ANKRD45: variants seen among roughly 807,000 people sequenced by gnomAD.
ANKRD45 encodes the protein ankyrin repeat domain 45, also known as ankyrin repeat domain-containing protein 45.
In ANKRD45, 21 loss-of-function variants were observed where a neutral mutation model predicts 28.1. The observed-to-expected ratio is 0.75, with a 90% confidence interval of 0.53 to 1.08. The LOEUF (loss-of-function observed/expected upper bound fraction) is 1.08. Among genes scored for constraint, ANKRD45 ranks in the 50% least tolerant of loss-of-function variants. The pLI is 0.00. For synonymous variants in ANKRD45, 86 were observed against 103.9 expected, an observed-to-expected ratio of 0.83 and a Z score of 1.05; for missense variants, 261 against 308.7, an observed-to-expected ratio of 0.85 and a Z score of 1.16.
chr1:173,620,392 C>A (rs1667648512), intron 5 of ANKRD45, among the ~76,000 whole-genome samples: 1 of 152,190 alleles, frequency 6.6e-6, no homozygotes, highest in South Asian at 2.1e-4. Flanking sequence ...TCAAGAAGTT[C>A]TTTGAAACTA....
intron 5 of ANKRD45, among the ~76,000 whole-genome samples, chr1:173,623,141 C>G (rs765486760): frequency 6.6e-6 from 1 of 151,454 alleles, no homozygotes; most frequent in Admixed American, 6.6e-5. Context: ...CATGGTGAAA[C>G]CGTCTCTACA....
upstream of ANKRD45, among the ~76,000 whole-genome samples, chr1:173,670,436 A>G (rs1052241062): frequency 6.6e-6 from 1 of 152,258 alleles, no homozygotes; most frequent in Non-Finnish European, 1.5e-5. Context: ...CACATGAATC[A>G]CACAGTGAAA....
chr1:173,694,217 G>A, the ANKRD45 span, among the ~76,000 whole-genome samples: 1 of 151,976 alleles, frequency 6.6e-6, no homozygotes, highest in East Asian at 1.9e-4. Context: ...AGGCTGGAGT[G>A]CAGTGGCATG....
the ANKRD45 span, among the ~76,000 whole-genome samples, chr1:173,702,715 CTCT>C: frequency 6.9e-6 from 1 of 144,402 alleles, no homozygotes; most frequent in African/African-American, 2.6e-5. Context: ...ATTCTGTGTC[CTCT>C]TTTTTTTTTT....
chr1:173,671,541 G>T (rs576287149), upstream of ANKRD45, among the ~76,000 whole-genome samples: 35 of 152,176 alleles, frequency 2.3e-4, no homozygotes, highest in Middle Eastern at 3.4e-3. Flanking sequence ...AGAATCAGGG[G>T]AGAAGGGACG....
At chr1:173,624,591 A>T (rs1437235014) in intron 5 of ANKRD45, among the ~76,000 whole-genome samples, 196 bp downstream of exon 5, 1 of 152,198 alleles carries the variant, frequency 6.6e-6, no homozygotes, top group Non-Finnish European at 1.5e-5. Context: ...TTCCTATAGG[A>T]AGAATTCAGT....
intron 3 of ANKRD45, among the ~76,000 whole-genome samples, chr1:173,627,436 A>G (rs1030735360): frequency 1.3e-5 from 2 of 152,200 alleles, no homozygotes; most frequent in African/African-American, 2.4e-5. Context: ...GGTAATAGCC[A>G]CACAGTGCAG....
the ANKRD45 span, among the ~76,000 whole-genome samples, chr1:173,709,790 C>A: frequency 6.6e-6 from 1 of 152,074 alleles, no homozygotes; most frequent in Non-Finnish European, 1.5e-5. Context: ...TGACACCATG[C>A]CCAGCTAATT....
rs1448836936 is a variant in ANKRD45, at chr1:173,639,160, A to G, written c.496+7686T>C. Among the ~76,000 whole-genome samples the G allele has an allele frequency of 1.1e-4, 16 of 152,322 alleles. No individual in the cohort carries two copies. The East Asian group carries it at 3.1e-3, about 29-fold the overall frequency. On this transcript the variant is annotated intron_variant, in intron 3 of 5. Transcript: ENST00000333279. ...AGTATGCCTTTGGCGTGGCACATAC[A>G]GTTAGAAAAATTTGGGCTGAGCAAG...
In ANKRD45 at chr1:173,610,181, A is replaced by G. The variant is rs1667081144; in HGVS notation, c.765T>C (p.His255=). 1 of 1,614,212 alleles carries G rather than the reference A, an allele frequency of 6.2e-7. No individual in the cohort carries two copies. The highest frequency in any genetic ancestry group is 8.5e-7 in the Non-Finnish European group (1 of 1,180,026). The change falls in exon 6 of 6, where the codon CAT becomes CAC. Residue 255 remains histidine (H), a synonymous_variant. Coordinates refer to ENST00000333279, the MANE Select transcript of ANKRD45 (RefSeq NM_198493.3). ...TATCATCTTGACTTCTCTTCTGGTC[A>G]TGGCTTGTTACAGATTTGGCACTTT... ...QVKSAKSVTS[H]DQKRSQDDTS...
intron 5 of ANKRD45, among the ~76,000 whole-genome samples, chr1:173,620,474 G>A (rs181569970): frequency 3.0e-4 from 46 of 152,258 alleles, no homozygotes; most frequent in African/African-American, 9.6e-4. Context: ...GAGATTCACG[G>A]CACTAAATGC....
At chr1:173,624,025 C>T (rs1667818484) in intron 5 of ANKRD45, among the ~76,000 whole-genome samples, 1 of 151,952 alleles carries the variant, frequency 6.6e-6, no homozygotes, top group Admixed American at 6.6e-5. Flanking sequence ...ATAGGTTGAT[C>T]TGAGCAGCAA....
the ANKRD45 span, among the ~76,000 whole-genome samples, chr1:173,691,567 C>T: frequency 7.9e-3 from 1,200 of 152,240 alleles, 9 homozygotes; most frequent in Non-Finnish European, 0.013. Context: ...GGGTGGATCA[C>T]GAGGTCAGGA....
chr1:173,682,895 T>A, the ANKRD45 span, among the ~76,000 whole-genome samples: 5 of 152,278 alleles, frequency 3.3e-5, no homozygotes, highest in African/African-American at 1.2e-4. Flanking sequence ...GCTTGTTATG[T>A]AAATAAGGCC....
the ANKRD45 span, among the ~76,000 whole-genome samples, chr1:173,697,899 G>T: frequency 3.0e-4 from 45 of 152,068 alleles, no homozygotes; most frequent in African/African-American, 1.0e-3. Context: ...AGACCCATCA[G>T]TGTGCTGTAC....
chr1:173,711,171 T>G, the ANKRD45 span, among the ~76,000 whole-genome samples: 2 of 152,164 alleles, frequency 1.3e-5, no homozygotes, highest in African/African-American at 2.4e-5. Context: ...TGAAAAGAAT[T>G]ATTTGGCTGT....
At chr1:173,687,937 G>A in the ANKRD45 span, among the ~76,000 whole-genome samples, 1 of 151,596 alleles carries the variant, frequency 6.6e-6, no homozygotes, top group East Asian at 1.9e-4. Flanking sequence ...TAGATCCCCT[G>A]CTAGGAAACC....
intron 1 of ANKRD45, among the ~76,000 whole-genome samples, chr1:173,660,667 G>A (rs1669735612): frequency 6.6e-6 from 1 of 152,154 alleles, no homozygotes; most frequent in Non-Finnish European, 1.5e-5. Context: ...GCGCTGTGAT[G>A]GAGAAGGCCA....
At chr1:173,668,900 C>T (rs1238821725) in intron 1 of ANKRD45, among the ~76,000 whole-genome samples, 1 of 152,212 alleles carries the variant, frequency 6.6e-6, no homozygotes, top group African/African-American at 2.4e-5. Flanking sequence ...AATGGCATTG[C>T]TTTAGTCTTG....
Sources: allele counts gnomAD v4.1 joint callset (sites outside exome capture counted in the v4.1 genomes callset), GRCh38; gene constraint gnomAD v4.1.1; transcripts MANE v1.5; gene names NCBI Gene and HGNC (gene_info 2026-07-23, HGNC 2026-07-21).